DOCK8: variants seen among roughly 807,000 people sequenced by gnomAD.
DOCK8 encodes the protein dedicator of cytokinesis 8, also known as dedicator of cytokinesis protein 8.
A neutral mutation model predicts 245.6 loss-of-function variants in DOCK8; 141 were observed. The observed-to-expected ratio is 0.57, with a 90% CI of 0.50 to 0.66. The LOEUF (loss-of-function observed/expected upper bound fraction) is 0.66. Ranked by LOEUF, DOCK8 falls within the 30% of genes least tolerant of loss-of-function variation. DOCK8 has a pLI of 0.00. For missense variants in DOCK8, 2,965 were observed against 2,603.4 expected (o/e 1.14, Z -3.02); for synonymous variants, 1,168 against 970.2 (o/e 1.20, Z -3.79).
At chr9:232,326 A>G (rs1205876045) in intron 1 of DOCK8, among the ~76,000 whole-genome samples, 3 of 152,174 alleles carry the variant, frequency 2.0e-5, no homozygotes, top group Non-Finnish European at 2.9e-5. Flanking sequence ...TTTTACATCA[A>G]TGTTCATCAA....
At chr9:414,281 C>G (rs2055886973) in intron 28 of DOCK8, among the ~76,000 whole-genome samples, 1 of 152,184 alleles carries the variant, frequency 6.6e-6, no homozygotes, top group South Asian at 2.1e-4. Flanking sequence ...CAGAAACAAT[C>G]CAAATGTTTA....
chr9:415,998 C>G (rs984678109), intron 29 of DOCK8, among the ~76,000 whole-genome samples: 3 of 152,164 alleles, frequency 2.0e-5, no homozygotes, highest in Non-Finnish European at 4.4e-5. Context: ...TTAATTCATA[C>G]AAATCATAAA....
At chr9:394,117 C>A (rs1025588578) in intron 24 of DOCK8, among the ~76,000 whole-genome samples, 3 of 152,120 alleles carry the variant, frequency 2.0e-5, no homozygotes, top group Non-Finnish European at 4.4e-5. Flanking sequence ...ACTACCTGGG[C>A]CTCTCTGTTC....
chr9:384,262 C>T (rs771794122), intron 22 of DOCK8, among the ~76,000 whole-genome samples: 4 of 152,198 alleles, frequency 2.6e-5, no homozygotes, highest in Non-Finnish European at 4.4e-5. Context: ...TACGATCCAA[C>T]AGTCTTTAAT....
At chr9:273,543 GTGCTT>G (rs2048225799) in intron 2 of DOCK8, among the ~76,000 whole-genome samples, 2 of 152,144 alleles carry the variant, frequency 1.3e-5, no homozygotes, top group African/African-American at 2.4e-5. Flanking sequence ...AGAGGGTTTA[GTGCTT>G]TGCTTTTTTA....
At chr9:274,582 G>C (rs1380097005) in intron 2 of DOCK8, among the ~76,000 whole-genome samples, 1 of 149,140 alleles carries the variant, frequency 6.7e-6, no homozygotes, top group African/African-American at 2.5e-5. Flanking sequence ...TGAAGTGGCT[G>C]TTCTTCCCCT....
chr9:418,988 G>A (rs982367509), intron 30 of DOCK8, among the ~76,000 whole-genome samples: 1 of 152,124 alleles, frequency 6.6e-6, no homozygotes, highest in Non-Finnish European at 1.5e-5. Flanking sequence ...GGGTTGTTTG[G>A]CTCTGTCCTT....
At chr9:216,333 A>G (rs986770941) in intron 1 of DOCK8, among the ~76,000 whole-genome samples, 1 of 152,048 alleles carries the variant, frequency 6.6e-6, no homozygotes, top group African/African-American at 2.4e-5. Context: ...GTTTGAGACC[A>G]GCCTGGGCAA....
rs2057273179 is a variant in DOCK8, at chr9:446,666, G to T, written c.5817+60G>T. On this transcript the variant is annotated intron_variant, in intron 44 of 47. Coordinates refer to ENST00000432829, the MANE Select transcript of DOCK8 (RefSeq NM_203447.4). ...AGTGGGCTGGGTGGCCTCCCAGGAG[G>T]ACCCACAAACCTCTTTCACAGTGGA... is the stretch of plus-strand genomic sequence containing the variant. 3.4e-6 allele frequency: 5 copies of T among 1,492,318 alleles called. No homozygotes were observed. In the Admixed American group the frequency reaches 7.0e-5, roughly 21 times the overall value. 92.4% of individuals were successfully genotyped at this position (1,492,318 alleles called of 1,614,324 possible).
At chr9:400,861 C>CT (rs2054976118) in intron 26 of DOCK8, among the ~76,000 whole-genome samples, 5 of 115,880 alleles carry the variant, frequency 4.3e-5, no homozygotes, top group African/African-American at 4.0e-5. Flanking sequence ...TCACCACCTC[C>CT]TCCACCATCA....
chr9:422,461 C>T (rs909490666), intron 33 of DOCK8, among the ~76,000 whole-genome samples: 1 of 152,038 alleles, frequency 6.6e-6, no homozygotes, highest in Non-Finnish European at 1.5e-5. Context: ...TGCCTAGGAC[C>T]GTATACTTTC....
chr9:371,591 T>G (rs749747179), intron 17 of DOCK8, 25 bp downstream of exon 17: 1 of 1,614,034 alleles, frequency 6.2e-7, no homozygotes, highest in Non-Finnish European at 8.5e-7. Flanking sequence ...GCCTGCTGAC[T>G]CACACTGCAG....
chr9:385,077 C>A (rs971515424), intron 22 of DOCK8, among the ~76,000 whole-genome samples: 2 of 152,144 alleles, frequency 1.3e-5, no homozygotes, highest in Non-Finnish European at 2.9e-5. Context: ...CATACCTGTT[C>A]CCAAAAGCTG....
chr9:228,888 A>G (rs528982992), intron 1 of DOCK8, among the ~76,000 whole-genome samples: 61 of 152,116 alleles, frequency 4.0e-4, no homozygotes, highest in African/African-American at 1.2e-3. Context: ...AGATGGGCTC[A>G]CTCACAAGTC....
chr9:411,624 A>T (rs2055735671), intron 28 of DOCK8, among the ~76,000 whole-genome samples: 1 of 152,100 alleles, frequency 6.6e-6, no homozygotes, highest in African/African-American at 2.4e-5. Context: ...CCCTATACTA[A>T]ACCAGACAAA....
At chr9:430,278 G>T (rs977692604) in intron 36 of DOCK8, among the ~76,000 whole-genome samples, 2 of 152,316 alleles carry the variant, frequency 1.3e-5, no homozygotes, top group Admixed American at 1.3e-4. Flanking sequence ...GGAGGCTGAG[G>T]CAGGAGAATT....
chr9:312,469 C>T (rs758965352), intron 6 of DOCK8: 1 of 518,058 alleles, frequency 1.9e-6, no homozygotes, highest in South Asian at 1.5e-5. Context: ...ATGTAGTAAT[C>T]ACACCCAGCA....
chr9:336,856 T>G, intron 12 of DOCK8, 138 bp downstream of exon 12: 1 of 1,069,108 alleles, frequency 9.4e-7, no homozygotes, highest in South Asian at 1.3e-5. Flanking sequence ...CTGCTGCTTA[T>G]AATAGAGTAT....
chr9:392,376 C>A (rs1280610106), intron 24 of DOCK8, among the ~76,000 whole-genome samples: 1 of 152,148 alleles, frequency 6.6e-6, no homozygotes, highest in Non-Finnish European at 1.5e-5. Context: ...GGATTCAAAT[C>A]CCATGAAGTT....
Sources: allele counts gnomAD v4.1 joint callset (sites outside exome capture counted in the v4.1 genomes callset), GRCh38; gene constraint gnomAD v4.1.1; transcripts MANE v1.5; gene names NCBI Gene and HGNC (gene_info 2026-07-23, HGNC 2026-07-21).